Variants in MMRN1 observed in about 807,000 individuals in gnomAD.
MMRN1 encodes multimerin 1, also known as multimerin-1.
MMRN1 carries 94 observed loss-of-function variants against 100.7 expected under a neutral mutation model. That is an observed-to-expected ratio of 0.93 (90% CI 0.79 to 1.11). MMRN1 has a LOEUF of 1.11. Ranked by LOEUF, MMRN1 falls within the 50% of genes least tolerant of loss-of-function variation. The pLI is 0.00. For synonymous variants in MMRN1, 575 were observed against 505.0 expected (o/e 1.14, Z -1.86); for missense variants, 1,606 against 1,439.1 (o/e 1.12, Z -1.88).
chr4:89,920,474 G>A (rs1722053956), intron 3 of MMRN1, among the ~76,000 whole-genome samples: 1 of 152,136 alleles, frequency 6.6e-6, no homozygotes, highest in Middle Eastern at 3.4e-3. Context: ...TAGAAAGAAT[G>A]GTAATATCTG....
At position 89,936,647 on chromosome 4, in the gene MMRN1, G is replaced by A. The variant is rs762745325; in HGVS notation, c.2967G>A (p.Ser989=). The change falls in exon 6 of 8, where the codon TCG becomes TCA. Residue 989 remains serine, a synonymous_variant. Coordinates refer to ENST00000264790, the MANE Select transcript of MMRN1 (RefSeq NM_007351.3). ...ATTTAACTTGTTGTATAGATCGATC[G>A]TTGCCTGGTAGTCTGGCAAATGTTG... ...LSNLTCCIDR[S]LPGSLANVVK... The A allele has an allele frequency of 3.3e-5, 54 of 1,613,304 alleles. 1 individual carries two copies. The Admixed American group carries it at 6.8e-4, about 20-fold the overall frequency.
intron 5 of MMRN1, 124 bp from the exon 6 acceptor site, chr4:89,934,686 G>C: frequency 4.1e-6 from 2 of 484,074 alleles, no homozygotes; most frequent in South Asian, 1.1e-4. Context: ...ATAAGTAAAT[G>C]TAGTTAAGAG....
At chr4:89,885,758 G>C (rs1720921836) in intron 1 of MMRN1, among the ~76,000 whole-genome samples, 1 of 151,952 alleles carries the variant, frequency 6.6e-6, no homozygotes, top group South Asian at 2.1e-4. Context: ...TTTTCTAACA[G>C]TTACTATCTC....
In MMRN1 at chr4:89,935,361, C is replaced by T. The variant is rs758859901; in HGVS notation, c.1681C>T (p.Leu561=). Residue 561 remains leucine (L), a synonymous_variant, in exon 6 of 8, where the codon CTG becomes TTG. Coordinates refer to ENST00000264790, the MANE Select transcript of MMRN1 (RefSeq NM_007351.3). ...ENIKKQSLMM[L]QMFEDLHIQE... ...TATAAAGAAGCAGAGTTTGATGATG[C>T]TGCAAATGTTTGAAGATTTGCACAT... 5 of 1,613,264 alleles carry T rather than the reference C, an allele frequency of 3.1e-6. No individual in the cohort carries two copies. Among genetic ancestry groups the T allele is most frequent in the East Asian group, 2.2e-5 (1 of 44,812 alleles).
chr4:89,894,712 A>G (rs2110577858), upstream of MMRN1: 1 of 348,724 alleles, frequency 2.9e-6, no homozygotes. Flanking sequence ...GTGCTTTCCC[A>G]TTTACCCTTA....
At chr4:89,913,496 C>T (rs1721819955) in intron 3 of MMRN1, among the ~76,000 whole-genome samples, 1 of 151,250 alleles carries the variant, frequency 6.6e-6, no homozygotes, top group Admixed American at 6.6e-5. Flanking sequence ...CTATGGTGGA[C>T]TACATACATG....
intron 4 of MMRN1, among the ~76,000 whole-genome samples, chr4:89,925,476 AAAAC>A (rs1469832322): frequency 6.8e-6 from 1 of 146,090 alleles, no homozygotes; most frequent in African/African-American, 2.5e-5. Context: ...ACCCAAATAA[AAAAC>A]AAATTTTTAT....
rs776392980 is a variant in MMRN1, at chr4:89,951,598, G to T, written c.3119-7G>T. 6 of 1,462,536 alleles carry T rather than the reference G, an allele frequency of 4.1e-6. No homozygotes were observed. The South Asian group carries it at 8.8e-5, about 22-fold the overall frequency. 90.6% of individuals were successfully genotyped at this position (1,462,536 alleles called of 1,614,324 possible). Reference sequence around the variant, plus strand: ...TCTCTTTTACCTTGATTCTTTTTCCGTAACAGAGGAGTATTCAAGCTGTAG... The same window carrying T: ...TCTCTTTTACCTTGATTCTTTTTCCTTAACAGAGGAGTATTCAAGCTGTAG... On this transcript the variant is annotated splice_polypyrimidine_tract_variant and splice_region_variant and intron_variant, in intron 6 of 7. Coordinates refer to ENST00000264790, the MANE Select transcript of MMRN1 (RefSeq NM_007351.3).
chr4:89,921,113 A>T (rs985716258), intron 3 of MMRN1, among the ~76,000 whole-genome samples: 2 of 152,164 alleles, frequency 1.3e-5, no homozygotes, highest in Admixed American at 1.3e-4. Context: ...CTAACAAAGT[A>T]TCCACAGCCT....
At chr4:89,891,726 TTTC>T (rs1394451918), upstream of MMRN1, among the ~76,000 whole-genome samples, 13 of 152,064 alleles carry the variant, frequency 8.5e-5, no homozygotes, top group Non-Finnish European at 1.9e-4. Flanking sequence ...TAAAATTTGT[TTTC>T]TTCTATTATT....
rs1346837063 is a variant in MMRN1, at chr4:89,935,943, A to G, written c.2263A>G (p.Ile755Val). ...NYALKETLSTIKDNSEIHHKC... is the reference protein window; with the variant it reads ...NYALKETLSTVKDNSEIHHKC... ...TGCCCTAAAAGAGACTTTAAGTACTATTAAGGATAATAGTGAGATCCATCA... is the reference window on the plus strand; with the variant it reads ...TGCCCTAAAAGAGACTTTAAGTACTGTTAAGGATAATAGTGAGATCCATCA... The change falls in exon 6 of 8, where the codon ATT (isoleucine) becomes GTT (valine). Residue 755 changes from isoleucine to valine, a missense_variant. Ile to Val is a conservative substitution (Grantham distance 29). Coordinates refer to ENST00000264790, the MANE Select transcript of MMRN1 (RefSeq NM_007351.3). The G allele has an allele frequency of 3.1e-6, 5 of 1,611,114 alleles. No individual in the cohort carries two copies. The highest frequency in any genetic ancestry group is 2.2e-5 in the South Asian group (2 of 90,602).
intron 7 of MMRN1, among the ~76,000 whole-genome samples, chr4:89,952,610 C>T (rs966715363): frequency 2.6e-5 from 4 of 152,124 alleles, no homozygotes; most frequent in African/African-American, 9.7e-5. Flanking sequence ...TACATCATGT[C>T]AGCTTCAATT....
chr4:89,918,465 A>G (rs1433039333), intron 3 of MMRN1, among the ~76,000 whole-genome samples: 2 of 151,906 alleles, frequency 1.3e-5, no homozygotes, highest in Admixed American at 6.6e-5. Context: ...ATCACAGGCT[A>G]TCTTTGAAGT....
At chr4:89,938,180 C>T (rs1434225809) in intron 6 of MMRN1, among the ~76,000 whole-genome samples, 1 of 151,696 alleles carries the variant, frequency 6.6e-6, no homozygotes, top group Admixed American at 6.6e-5. Flanking sequence ...GTTGAATTAT[C>T]TCTACTATTT....
chr4:89,895,149 G>A lies in MMRN1; in HGVS notation c.178G>A (p.Val60Ile), dbSNP rs147428139. Residue 60 changes from valine (V) to isoleucine (I), a missense_variant, in exon 1 of 8, where the codon GTC (valine) becomes ATC (isoleucine). By Grantham distance (29) the Val-to-Ile change is conservative. Transcript: ENST00000264790. ...QSLQILPTTR[V>I]MSAEIATTPE... ...TTTGCAAATACTGCCAACCACTCGG[G>A]TCATGTCGGCGGAGATAGCTACAAC... The A allele has an allele frequency of 7.7e-5, 124 of 1,613,760 alleles. No homozygotes were observed. The highest frequency in any genetic ancestry group is 1.0e-4 in the Non-Finnish European group (119 of 1,179,930).
At chr4:89,928,913 G>T (rs1364553264) in intron 5 of MMRN1, among the ~76,000 whole-genome samples, 2 of 152,122 alleles carry the variant, frequency 1.3e-5, no homozygotes, top group Non-Finnish European at 1.5e-5. Context: ...GGGGAAAGGG[G>T]TGTGTATTAT....
intron 1 of MMRN1, among the ~76,000 whole-genome samples, chr4:89,897,291 C>A (rs932162686): frequency 6.6e-6 from 1 of 151,538 alleles, no homozygotes; most frequent in African/African-American, 2.4e-5. Context: ...TCACTGCAAT[C>A]TTCGACTCCC....
intron 6 of MMRN1, among the ~76,000 whole-genome samples, chr4:89,949,621 A>C (rs940605559): frequency 2.6e-5 from 4 of 152,218 alleles, no homozygotes; most frequent in African/African-American, 9.6e-5. Flanking sequence ...AGCCAGTCGA[A>C]ATATTTGTTA....
chr4:89,918,693 T>C (rs1007908492), intron 3 of MMRN1, among the ~76,000 whole-genome samples: 2 of 151,878 alleles, frequency 1.3e-5, no homozygotes, highest in Non-Finnish European at 2.9e-5. Context: ...CAGTAGCTTA[T>C]AGTGCCAAAA....
Sources: allele counts gnomAD v4.1 joint callset (sites outside exome capture counted in the v4.1 genomes callset), GRCh38; gene constraint gnomAD v4.1.1; transcripts MANE v1.5; gene names NCBI Gene and HGNC (gene_info 2026-07-23, HGNC 2026-07-21).